NKAIN2: variants seen among roughly 807,000 people sequenced by gnomAD.
NKAIN2 encodes sodium/potassium transporting ATPase interacting 2.
Under a neutral mutation model 32.6 loss-of-function variants are expected in NKAIN2, and 14 were observed. That is an observed-to-expected ratio of 0.43 (90% CI 0.28 to 0.67). The LOEUF (loss-of-function observed/expected upper bound fraction) is 0.67, where lower values mean the gene tolerates loss of function less well. NKAIN2 is among the 30% of genes least tolerant of loss of function. The pLI is 0.17. For missense variants in NKAIN2, 198 were observed against 258.3 expected (o/e 0.77, Z 1.60); for synonymous variants, 80 against 87.2 (o/e 0.92, Z 0.46).
intron 1 of NKAIN2, among the ~76,000 whole-genome samples, chr6:123,965,916 G>C (rs1778054513): frequency 6.6e-6 from 1 of 152,112 alleles, no homozygotes; most frequent in African/African-American, 2.4e-5. Flanking sequence ...ATTTTTAAAT[G>C]CTTAAAATGT....
At chr6:123,860,348 G>A (rs1775738778) in intron 1 of NKAIN2, among the ~76,000 whole-genome samples, 1 of 152,136 alleles carries the variant, frequency 6.6e-6, no homozygotes, top group African/African-American at 2.4e-5. Flanking sequence ...TATAAGGCTG[G>A]GGATGTGGAT....
chr6:124,543,221 C>A (rs1779972272), intron 3 of NKAIN2, among the ~76,000 whole-genome samples: 2 of 152,148 alleles, frequency 1.3e-5, no homozygotes, highest in African/African-American at 4.8e-5. Flanking sequence ...GATGTTTTGT[C>A]ATCTTAATCA....
At chr6:124,728,674 A>G (rs1368877970) in intron 4 of NKAIN2, among the ~76,000 whole-genome samples, 1 of 135,516 alleles carries the variant, frequency 7.4e-6, no homozygotes, top group Non-Finnish European at 1.6e-5. Context: ...AAACACATTC[A>G]AAAGCTAGCA....
chr6:124,227,503 T>C (rs1301025813), intron 1 of NKAIN2, among the ~76,000 whole-genome samples: 1 of 152,212 alleles, frequency 6.6e-6, no homozygotes, highest in East Asian at 1.9e-4. Context: ...ACATGCAGAA[T>C]ATTTGCAGAT....
chr6:123,833,820 C>T (rs1377505290), intron 1 of NKAIN2, among the ~76,000 whole-genome samples: 1 of 150,970 alleles, frequency 6.6e-6, no homozygotes, highest in Non-Finnish European at 1.5e-5. Flanking sequence ...CTCCACTTCC[C>T]GGGTTCAAGC....
chr6:124,018,992 C>A (rs1221510623), intron 1 of NKAIN2, among the ~76,000 whole-genome samples: 3 of 152,106 alleles, frequency 2.0e-5, no homozygotes, highest in Non-Finnish European at 2.9e-5. Context: ...GCTGGGGAGG[C>A]CTCACAGTCA....
chr6:124,292,761 A>G (rs1265660393), intron 2 of NKAIN2, among the ~76,000 whole-genome samples: 1 of 152,130 alleles, frequency 6.6e-6, no homozygotes, highest in Non-Finnish European at 1.5e-5. Context: ...ACCCTAATGT[A>G]TCCTAGGCAG....
At chr6:124,347,785 C>A (rs1026503384) in intron 2 of NKAIN2, among the ~76,000 whole-genome samples, 1 of 152,138 alleles carries the variant, frequency 6.6e-6, no homozygotes, top group African/African-American at 2.4e-5. Context: ...TTTGAATTTC[C>A]TCCTGTAGCT....
intron 1 of NKAIN2, among the ~76,000 whole-genome samples, chr6:124,011,143 A>T (rs181755453): frequency 7.5e-4 from 114 of 152,208 alleles, no homozygotes; most frequent in Non-Finnish European, 1.4e-3. Context: ...GTTCATGACC[A>T]TTTGACTTCT....
chr6:124,047,450 A>G (rs60757241), intron 1 of NKAIN2, among the ~76,000 whole-genome samples: 1 of 143,098 alleles, frequency 7.0e-6, no homozygotes, highest in African/African-American at 2.8e-5. Flanking sequence ...CTCTCTCTCT[A>G]TATATATATA....
chr6:124,646,717 G>A lies in NKAIN2; in HGVS notation c.274-11469G>A, dbSNP rs1307440034. Among the ~76,000 whole-genome samples the A allele has an allele frequency of 5.3e-5, 8 of 152,094 alleles. 1 individual carries two copies. The highest frequency in any genetic ancestry group is 9.7e-5 in the African/African-American group (4 of 41,432). ...TGTAATCCCAGCAGTTTGGGAAGCC[G>A]AGGCGAGTAGATCACTTGAGGCCAG... On this transcript the variant is annotated intron_variant, in intron 3 of 6. Transcript: ENST00000368417.
At position 124,707,326 on chromosome 6, in the gene NKAIN2, A is replaced by C. The variant is rs1360016782; in HGVS notation, c.474+48940A>C. On this transcript the variant is annotated intron_variant, in intron 4 of 6. Coordinates refer to ENST00000368417, the MANE Select transcript of NKAIN2 (RefSeq NM_001040214.3). ...ACGTGTGCATGTGTCTTTATAGCAG[A>C]ATGATTTATAGTCCTTTGGGTATAT... Among the ~76,000 whole-genome samples, 302 of 151,846 alleles carry C rather than the reference A, an allele frequency of 2.0e-3. 1 individual carries two copies. Among genetic ancestry groups the C allele is most frequent in the African/African-American group, 6.4e-3 (263 of 41,276 alleles).
intron 1 of NKAIN2, among the ~76,000 whole-genome samples, chr6:124,129,819 A>G (rs1349137703): frequency 2.0e-5 from 3 of 152,106 alleles, no homozygotes. Context: ...GGATTTCACC[A>G]TGTTAGCCAG....
chr6:124,088,278 C>T (rs149111445), intron 1 of NKAIN2, among the ~76,000 whole-genome samples: 3 of 151,824 alleles, frequency 2.0e-5, no homozygotes, highest in African/African-American at 7.2e-5. Context: ...TAAAATTAGC[C>T]AGATGTGGTG....
At chr6:124,556,174 C>A (rs1780468873) in intron 3 of NKAIN2, among the ~76,000 whole-genome samples, 5 of 151,284 alleles carry the variant, frequency 3.3e-5, no homozygotes, top group Admixed American at 3.3e-4. Context: ...CTACTTTCTC[C>A]TTATCCTGTT....
chr6:124,434,704 G>A (rs1775361999), intron 3 of NKAIN2, among the ~76,000 whole-genome samples: 1 of 152,118 alleles, frequency 6.6e-6, no homozygotes, highest in Non-Finnish European at 1.5e-5. Context: ...GAAATATTGA[G>A]CAAAAATGTT....
At chr6:124,040,510 T>A (rs925848872) in intron 1 of NKAIN2, among the ~76,000 whole-genome samples, 1 of 152,140 alleles carries the variant, frequency 6.6e-6, no homozygotes, top group South Asian at 2.1e-4. Flanking sequence ...ACCTCAGATA[T>A]GACTATTTTG....
chr6:124,220,064 A>T (rs1310523912), intron 1 of NKAIN2, among the ~76,000 whole-genome samples: 3 of 152,078 alleles, frequency 2.0e-5, no homozygotes, highest in Non-Finnish European at 4.4e-5. Flanking sequence ...CCCAAATCTC[A>T]TCTTGAATTG....
chr6:124,555,784 T>C (rs868330544), intron 3 of NKAIN2, among the ~76,000 whole-genome samples: 2 of 152,214 alleles, frequency 1.3e-5, no homozygotes, highest in African/African-American at 4.8e-5. Flanking sequence ...TCTAACCTTA[T>C]TTCCAGATTA....
Sources: allele counts gnomAD v4.1 joint callset (sites outside exome capture counted in the v4.1 genomes callset), GRCh38; gene constraint gnomAD v4.1.1; transcripts MANE v1.5; gene names NCBI Gene and HGNC (gene_info 2026-07-23, HGNC 2026-07-21).